ZNF512: variants seen among roughly 807,000 people sequenced by gnomAD.
The protein encoded by ZNF512 is zinc finger protein 512.
A neutral mutation model predicts 77.5 loss-of-function variants in ZNF512; 25 were observed. That is an observed-to-expected ratio of 0.32 (90% confidence interval 0.23 to 0.45). ZNF512 has a LOEUF of 0.45. Among genes scored for constraint, ZNF512 ranks in the 20% least tolerant of loss-of-function variants. ZNF512 has a pLI of 1.00. For synonymous variants in ZNF512, 246 were observed against 239.9 expected (o/e 1.03, Z -0.24); for missense variants, 483 against 692.6 (o/e 0.70, Z 3.40).
At chr2:27,590,171 A>G (rs952940296) in intron 2 of ZNF512, among the ~76,000 whole-genome samples, 3 of 152,154 alleles carry the variant, frequency 2.0e-5, no homozygotes, top group Non-Finnish European at 4.4e-5. Flanking sequence ...TTCTGCTAAG[A>G]TTGTGGAATT....
intron 2 of ZNF512, among the ~76,000 whole-genome samples, chr2:27,591,350 TTG>T (rs1291042755): frequency 6.6e-6 from 1 of 152,232 alleles, no homozygotes; most frequent in African/African-American, 2.4e-5. Flanking sequence ...CATTTATCCT[TTG>T]TGTTATAGAC....
chr2:27,604,278 A>G (rs1672260727), intron 9 of ZNF512, among the ~76,000 whole-genome samples: 1 of 152,088 alleles, frequency 6.6e-6, no homozygotes, highest in African/African-American at 2.4e-5. Context: ...TAGAGCTTTT[A>G]TGGGCATCTG....
At chr2:27,620,589 G>T (rs1053066935) in intron 13 of ZNF512, among the ~76,000 whole-genome samples, 1 of 152,156 alleles carries the variant, frequency 6.6e-6, no homozygotes, top group African/African-American at 2.4e-5. Context: ...CTTTTCCTAT[G>T]AATTGGTAGA....
intron 13 of ZNF512, among the ~76,000 whole-genome samples, chr2:27,617,904 T>TTA (rs1212881082): frequency 1.9e-5 from 1 of 53,558 alleles, no homozygotes; most frequent in Non-Finnish European, 3.5e-5. Context: ...AGATCCTGAC[T>TTA]CAAAAAAAAA....
intron 9 of ZNF512, among the ~76,000 whole-genome samples, chr2:27,605,422 C>T (rs1190441745): frequency 1.3e-5 from 2 of 151,882 alleles, no homozygotes; most frequent in Non-Finnish European, 2.9e-5. Flanking sequence ...CCACTGCACT[C>T]CAGCCTGGGT....
At chr2:27,590,904 T>G (rs1360266377) in intron 2 of ZNF512, among the ~76,000 whole-genome samples, 1 of 152,282 alleles carries the variant, frequency 6.6e-6, no homozygotes, top group Non-Finnish European at 1.5e-5. Context: ...ATCATTTGTT[T>G]TAGCATTTCA....
At chr2:27,585,995 G>C (rs1260631487) in intron 2 of ZNF512, among the ~76,000 whole-genome samples, 1 of 152,130 alleles carries the variant, frequency 6.6e-6, no homozygotes, top group Non-Finnish European at 1.5e-5. Context: ...ATGAGACCTG[G>C]AGGAGGGATT....
Position 27,583,151 on chromosome 2 carries a change from C to T in ZNF512, c.30+9C>T. 1 of 1,614,182 alleles carries T rather than the reference C, an allele frequency of 6.2e-7. No homozygotes were observed. The highest frequency in any genetic ancestry group is 1.1e-5 in the South Asian group (1 of 91,090). ...TCGGTGCTGTACCCGCCGTGAGTTT[C>T]TTGGTTTGACCGTTATGCTTTAGAG... On this transcript the variant is annotated intron_variant, in intron 1 of 13. Coordinates refer to ENST00000355467, the MANE Select transcript of ZNF512 (RefSeq NM_032434.4).
intron 10 of ZNF512, among the ~76,000 whole-genome samples, 168 bp downstream of exon 10, chr2:27,608,207 G>C (rs1672452314): frequency 6.6e-6 from 1 of 152,160 alleles, no homozygotes; most frequent in African/African-American, 2.4e-5. Flanking sequence ...GATTCAGTTA[G>C]GTTCTAGAGT....
At position 27,587,496 on chromosome 2, in the gene ZNF512, C is replaced by T. The variant is rs190889645; in HGVS notation, c.89+3780C>T. On this transcript the variant is annotated intron_variant, in intron 2 of 13. Transcript: ENST00000355467. ...TTCACCATGTTGGCCAGGCTGGTCT[C>T]GAACTCCTGACCTTAAGTGTTCTGC... Among the ~76,000 whole-genome samples, 40 of 151,868 alleles carry T rather than the reference C, an allele frequency of 2.6e-4. No homozygotes were observed. The East Asian group carries it at 7.0e-3, about 27-fold the overall frequency.
At chr2:27,589,668 G>A (rs1449204250) in intron 2 of ZNF512, among the ~76,000 whole-genome samples, 13 of 151,972 alleles carry the variant, frequency 8.6e-5, no homozygotes, top group African/African-American at 2.7e-4. Flanking sequence ...ATTTTAGATC[G>A]TTTCTAGTAT....
At chr2:27,597,563 A>G (rs1671927938) in intron 2 of ZNF512, among the ~76,000 whole-genome samples, 2 of 152,234 alleles carry the variant, frequency 1.3e-5, no homozygotes, top group Admixed American at 1.3e-4. Flanking sequence ...TGTGGAAGCT[A>G]AGTATCATGT....
intron 9 of ZNF512, among the ~76,000 whole-genome samples, chr2:27,603,591 T>TGTGTGTGTGTGTG (rs772409987): frequency 8.0e-5 from 7 of 87,232 alleles, no homozygotes; most frequent in Admixed American, 1.6e-4. Flanking sequence ...TGTGTGTATA[T>TGTGTGTGTGTGTG]TTTTTTTTTT....
rs1488032385 is a variant in ZNF512 at position 27,583,051 on chromosome 2, C to G, written c.-62C>G. 1 of 1,599,142 alleles carries G rather than the reference C, an allele frequency of 6.3e-7. No individual in the cohort carries two copies. Among genetic ancestry groups the G allele is most frequent in the Non-Finnish European group, 8.6e-7 (1 of 1,166,634 alleles). ...CGAGCCCACATCCGGGAGAGGAGAGCGGAAGTGGCGTTGGTCTGGCCGGAG... is the reference window on the plus strand; with the variant it reads ...CGAGCCCACATCCGGGAGAGGAGAGGGGAAGTGGCGTTGGTCTGGCCGGAG... On this transcript the variant is annotated 5_prime_UTR_variant, in exon 1 of 14. Coordinates refer to ENST00000355467, the MANE Select transcript of ZNF512 (RefSeq NM_032434.4).
At chr2:27,608,554 C>T (rs149571080) in intron 10 of ZNF512, among the ~76,000 whole-genome samples, 1 of 152,148 alleles carries the variant, frequency 6.6e-6, no homozygotes, top group Admixed American at 6.5e-5. Context: ...CCTACACGGC[C>T]CCAAGCATAC....
intron 2 of ZNF512, among the ~76,000 whole-genome samples, chr2:27,591,115 A>T (rs1671557192): frequency 6.6e-6 from 1 of 152,080 alleles, no homozygotes; most frequent in African/African-American, 2.4e-5. Context: ...TAGCTCACTG[A>T]AGCCTCAAAT....
At chr2:27,591,431 T>C (rs1671575134) in intron 2 of ZNF512, among the ~76,000 whole-genome samples, 1 of 152,178 alleles carries the variant, frequency 6.6e-6, no homozygotes, top group South Asian at 2.1e-4. Context: ...ATTATTATTA[T>C]TTTGAGACAG....
intron 13 of ZNF512, among the ~76,000 whole-genome samples, chr2:27,617,983 C>T (rs1672959600): frequency 6.9e-6 from 1 of 144,870 alleles, no homozygotes; most frequent in African/African-American, 2.5e-5. Flanking sequence ...GAGTCTCGCT[C>T]TGTTGCCCAA....
intron 13 of ZNF512, 52 bp from the exon 14 acceptor site, chr2:27,621,099 TTA>T: frequency 1.3e-6 from 2 of 1,565,644 alleles, no homozygotes; most frequent in Non-Finnish European, 1.7e-6. Context: ...CCACCTTTCT[TTA>T]TGTTCTTCAC....
Sources: gnomAD v4.1 joint callset for allele counts (sites outside exome capture counted in the v4.1 genomes callset) on GRCh38, gnomAD v4.1.1 for gene constraint, MANE v1.5 for transcripts, NCBI Gene and HGNC (gene_info 2026-07-23, HGNC 2026-07-21) for gene names.